PARP6: variants seen among roughly 807,000 people sequenced by gnomAD.
PARP6 encodes protein mono-ADP-ribosyltransferase PARP6.
A neutral mutation model predicts 92.0 loss-of-function variants in PARP6; 27 were observed. That is an observed-to-expected ratio of 0.29 (90% CI 0.22 to 0.40). PARP6 has a LOEUF of 0.40. PARP6 is among the 10% of genes least tolerant of loss of function. PARP6 has a pLI of 1.00. For missense variants in PARP6, 501 were observed against 784.5 expected (o/e 0.64, Z 4.32); for synonymous variants, 272 against 281.2 (o/e 0.97, Z 0.33).
chr15:72,258,271 C>A, intron 11 of PARP6, 139 bp from the exon 12 acceptor site: 1 of 666,224 alleles, frequency 1.5e-6, no homozygotes, highest in South Asian at 1.7e-5. Context: ...AGGCTGTGTA[C>A]TTAAACTGAT....
chr15:72,257,911 A>G (rs1177643290), intron 12 of PARP6, 126 bp downstream of exon 12: 2 of 693,510 alleles, frequency 2.9e-6, no homozygotes, highest in East Asian at 5.2e-5. Context: ...AAAATCAACA[A>G]TTTCTAGAGT....
intron 17 of PARP6, 77 bp from the exon 18 acceptor site, chr15:72,251,031 G>A (rs1381390532): frequency 8.5e-7 from 1 of 1,174,828 alleles, no homozygotes; most frequent in East Asian, 2.4e-5. Flanking sequence ...TGGGGATAGG[G>A]GAAAAAATCA....
Position 72,241,528 on chromosome 15 carries a change from T to C in PARP6, c.1820A>G (p.Asn607Ser), listed in dbSNP as rs375825095. ...VYEDGQVGDANINTQDPKIQK... is the reference protein window; with the variant it reads ...VYEDGQVGDASINTQDPKIQK... ...TATCTTGGGGTCCTGAGTATTAATG[T>C]TGGCATCGCCCACCTGACCATCCTC... The change falls in exon 24 of 24, where the codon AAC becomes AGC. Residue 607 changes from asparagine (N) to serine (S), a missense_variant. Asn to Ser is a conservative substitution (Grantham distance 46). Transcript: ENST00000569795. This position sits in a 1 kb window ranked among gnomAD's most constrained non-coding sequence, Gnocchi z 4.1. 3.7e-6 allele frequency: 6 copies of C among 1,614,022 alleles called. No individual in the cohort carries two copies. Among genetic ancestry groups the C allele is most frequent in the South Asian group, 1.1e-5 (1 of 91,082 alleles).
intron 12 of PARP6, 79 bp downstream of exon 12, chr15:72,257,958 G>A (rs2085344603): frequency 1.9e-6 from 2 of 1,034,670 alleles, no homozygotes. Flanking sequence ...CTTGACCACA[G>A]ACCAAGGAAG....
chr15:72,265,159 T>C lies in PARP6; in HGVS notation c.250A>G (p.Thr84Ala). ...NISFLDEEVS[T>A]AWKVLRTEPI... ...TCTGTCCGGAGGACCTTCCAGGCTG[T>C]AGAGACTTCCTCCTAAAAGAAGAAG... Residue 84 changes from threonine to alanine, a missense_variant, in exon 7 of 24, where the codon ACA becomes GCA. By Grantham distance (58) the Thr-to-Ala change is moderately conservative. Transcript: ENST00000569795. 6.2e-7 allele frequency: 1 copy of C among 1,611,256 alleles called. No individual in the cohort carries two copies. Among genetic ancestry groups the C allele is most frequent in the South Asian group, 1.1e-5 (1 of 90,962 alleles).
intron 11 of PARP6, 76 bp downstream of exon 11, chr15:72,259,532 A>T (rs1343633030): frequency 1.8e-6 from 2 of 1,104,110 alleles, no homozygotes; most frequent in Non-Finnish European, 2.8e-6. Context: ...TTGATTGAGG[A>T]GCTGGGAGGT....
chr15:72,243,678 T>C (rs533199581), intron 20 of PARP6: 1 of 152,228 alleles, frequency 6.6e-6, no homozygotes, highest in African/African-American at 2.4e-5. Flanking sequence ...GGTTTGAGGA[T>C]AGGACGTTAA....
At chr15:72,251,066 G>C (rs934642781) in intron 17 of PARP6, 112 bp from the exon 18 acceptor site, 2 of 990,688 alleles carry the variant, frequency 2.0e-6, no homozygotes, top group Non-Finnish European at 3.2e-6. Flanking sequence ...CCACACAAGG[G>C]AAATATGCTA....
chr15:72,270,646 G>A (rs1379790037), intron 2 of PARP6, among the ~76,000 whole-genome samples: 1 of 152,094 alleles, frequency 6.6e-6, no homozygotes, highest in East Asian at 1.9e-4. Flanking sequence ...TTTCCACCCA[G>A]ATATCCACAT....
intron 19 of PARP6, among the ~76,000 whole-genome samples, chr15:72,249,524 G>A (rs892687801): frequency 2.0e-5 from 3 of 152,228 alleles, no homozygotes; most frequent in East Asian, 3.8e-4. Context: ...TGACACATTC[G>A]AGAGTGGGAA....
At chr15:72,249,076 A>G (rs770495807) in intron 20 of PARP6, 169 bp downstream of exon 20, 3 of 423,686 alleles carry the variant, frequency 7.1e-6, no homozygotes, top group Non-Finnish European at 1.3e-5. Context: ...AAAGAATCTA[A>G]ATTTCTAATA....
At position 72,259,680 on chromosome 15, in the gene PARP6, C is replaced by A; in HGVS notation, c.757-19G>T. 1 of 1,612,900 alleles carries A rather than the reference C, an allele frequency of 6.2e-7. No individual in the cohort carries two copies. Among genetic ancestry groups the A allele is most frequent in the Admixed American group, 1.7e-5 (1 of 59,984 alleles). On this transcript the variant is annotated intron_variant, in intron 10 of 23. Transcript: ENST00000569795. ...CACTGACCTGGTGAGAGTAAAAAGA[C>A]AGACCCCGTGAACCTCCTATGAAGC...
In PARP6 at chr15:72,258,684, T is replaced by C. The variant is rs185036538; in HGVS notation, c.811-552A>G. On this transcript the variant is annotated intron_variant, in intron 11 of 23. Transcript: ENST00000569795. Reference sequence around the variant, plus strand: ...TACAGACAATTCTGTGCTAGGAAGATAGGAAAATCCAGAGCTAATGCAGCA... The same window carrying C: ...TACAGACAATTCTGTGCTAGGAAGACAGGAAAATCCAGAGCTAATGCAGCA... Among the ~76,000 whole-genome samples, 66 of 152,336 alleles carry C rather than the reference T, an allele frequency of 4.3e-4. 1 individual carries two copies. Among genetic ancestry groups the C allele is most frequent in the East Asian group, 3.1e-3 (16 of 5,194 alleles).
chr15:72,271,836 A>T (rs1480565422), intron 1 of PARP6, among the ~76,000 whole-genome samples: 1 of 152,234 alleles, frequency 6.6e-6, no homozygotes, highest in African/African-American at 2.4e-5. Flanking sequence ...GCTAATATAG[A>T]ACGCTTTATG....
At position 72,260,614 on chromosome 15, in the gene PARP6, C is replaced by T. The variant is rs751254875; in HGVS notation, c.620G>A (p.Arg207His). 10 of 1,614,132 alleles carry T rather than the reference C, an allele frequency of 6.2e-6. No individual in the cohort carries two copies. The highest frequency in any genetic ancestry group is 2.2e-5 in the East Asian group (1 of 44,884). Residue 207 changes from arginine (R) to histidine (H), a missense_variant, in exon 10 of 24, where the codon CGC becomes CAC. By Grantham distance (29) the Arg-to-His change is conservative (BLOSUM62 0). Transcript: ENST00000569795. ...KLGVPELRVG[R>H]LMNRSISCTM... is the part of the protein sequence containing the mutation. Reference sequence around the variant, plus strand: ...ACAGGAGATGGAACGGTTCATGAGGCGCCCAACCCGAAGCTCTGGTACACC... The same window carrying T: ...ACAGGAGATGGAACGGTTCATGAGGTGCCCAACCCGAAGCTCTGGTACACC...
At chr15:72,259,532 A>G in intron 11 of PARP6, 76 bp downstream of exon 11, 1 of 1,104,228 alleles carries the variant, frequency 9.1e-7, no homozygotes, top group Non-Finnish European at 1.4e-6. Flanking sequence ...TTGATTGAGG[A>G]GCTGGGAGGT....
chr15:72,241,618 C>T lies in PARP6; in HGVS notation c.1791-61G>A. 3 of 1,271,810 alleles carry T rather than the reference C, an allele frequency of 2.4e-6. No individual in the cohort carries two copies. The highest frequency in any genetic ancestry group is 2.3e-6 in the Non-Finnish European group (2 of 870,126). The allele number at this position is 1,271,810 out of a possible 1,614,324, so 78.8% of individuals were successfully genotyped here. A position where few individuals can be genotyped will look rare whatever the true frequency, so the allele number is the denominator to read the frequency against. ...AGAACAATACCAGAATAACATCAAT[C>T]AGTGGAACTGTATTTCAAGGTATGG... is the stretch of plus-strand genomic sequence containing the variant. On this transcript the variant is annotated intron_variant, in intron 23 of 23. Transcript: ENST00000569795. The surrounding 1 kb of genome is among the most constrained non-coding windows in gnomAD (Gnocchi z 4.1).
chr15:72,246,594 C>A (rs1035000404), intron 20 of PARP6, among the ~76,000 whole-genome samples: 2 of 152,108 alleles, frequency 1.3e-5, no homozygotes, highest in East Asian at 1.9e-4. Context: ...AGTTATTATT[C>A]TTTTGTTTTT....
intron 18 of PARP6, 49 bp downstream of exon 18, chr15:72,250,796 C>A: frequency 1.1e-6 from 1 of 912,416 alleles, no homozygotes; most frequent in South Asian, 1.4e-5. Context: ...CCTTCTTGCT[C>A]ATCCCCGCCC....
Sources: allele counts gnomAD v4.1 joint callset (sites outside exome capture counted in the v4.1 genomes callset), GRCh38; gene constraint gnomAD v4.1.1; non-coding constraint Gnocchi (gnomAD v3.1); transcripts MANE v1.5; gene names NCBI Gene and HGNC (gene_info 2026-07-23, HGNC 2026-07-21).